Variants in AKAP6 observed in about 807,000 individuals in gnomAD.
AKAP6 encodes A-kinase anchor protein 6.
Under a neutral mutation model 188.5 loss-of-function variants are expected in AKAP6, and 58 were observed. The ratio of observed to expected loss-of-function variants is 0.31; its 90% confidence interval spans 0.25 to 0.38. AKAP6 has a LOEUF of 0.38. AKAP6 is among the 10% of genes least tolerant of loss of function. The probability of loss-of-function intolerance (pLI) is 1.00; values close to 1 mark genes in which losing one functional copy is unlikely to be tolerated. For synonymous variants in AKAP6, 989 were observed against 998.6 expected (o/e 0.99, Z 0.18); for missense variants, 2,710 against 2,740.0 (o/e 0.99, Z 0.24).
intron 2 of AKAP6, among the ~76,000 whole-genome samples, chr14:32,477,605 A>G (rs61982983): frequency 0.26 from 39,012 of 152,116 alleles, 5,448 homozygotes; most frequent in Middle Eastern, 0.3. Flanking sequence ...TAGTGCTGCA[A>G]TTTCAAGACG....
chr14:32,765,896 C>T (rs2032703730), intron 11 of AKAP6, among the ~76,000 whole-genome samples: 1 of 152,026 alleles, frequency 6.6e-6, no homozygotes, highest in Admixed American at 6.6e-5. Flanking sequence ...TATTTCTGGC[C>T]TTACCAAGAG....
chr14:32,755,361 T>G (rs138541048), intron 11 of AKAP6, among the ~76,000 whole-genome samples: 2 of 152,082 alleles, frequency 1.3e-5, no homozygotes, highest in African/African-American at 4.8e-5. Flanking sequence ...ATTTTTATTG[T>G]TTCTTTTTGT....
At chr14:32,377,659 C>T (rs1317236843) in intron 1 of AKAP6, among the ~76,000 whole-genome samples, 1 of 152,162 alleles carries the variant, frequency 6.6e-6, no homozygotes, top group Non-Finnish European at 1.5e-5. Flanking sequence ...TCAGCCACAC[C>T]TGTGTTCAAG....
Position 32,482,988 on chromosome 14 carries a change from T to C in AKAP6, c.324+49171T>C, listed in dbSNP as rs1347217919. ...GTGTGTGTGTCTGTGTGTGTGTGTG[T>C]GTATATATATATATATATATATATG... On this transcript the variant is annotated intron_variant, in intron 2 of 13. Coordinates refer to ENST00000280979, the MANE Select transcript of AKAP6 (RefSeq NM_004274.5). Among the ~76,000 whole-genome samples, 13 of 105,654 alleles carry C rather than the reference T, an allele frequency of 1.2e-4. No homozygotes were observed. The East Asian group carries it at 4.3e-3, about 35-fold the overall frequency. 69.3% of individuals were successfully genotyped at this position (105,654 alleles called of 152,430 possible).
intron 1 of AKAP6, among the ~76,000 whole-genome samples, chr14:32,423,122 G>A (rs1419365604): frequency 6.6e-6 from 1 of 152,106 alleles, no homozygotes; most frequent in Non-Finnish European, 1.5e-5. Flanking sequence ...TGTGTATTCA[G>A]TTGGCCATCT....
chr14:32,829,125 G>A (rs574446080), intron 13 of AKAP6, among the ~76,000 whole-genome samples: 1 of 152,288 alleles, frequency 6.6e-6, no homozygotes, highest in South Asian at 2.1e-4. Flanking sequence ...CCTCACATTT[G>A]ACCAGTTGCT....
At chr14:32,518,974 C>T (rs1248243803) in intron 2 of AKAP6, among the ~76,000 whole-genome samples, 3 of 152,148 alleles carry the variant, frequency 2.0e-5, no homozygotes, top group Admixed American at 6.5e-5. Context: ...AAAGGGAAGC[C>T]CATCAGACTA....
chr14:32,479,736 A>G (rs1029830795), intron 2 of AKAP6, among the ~76,000 whole-genome samples: 1 of 152,114 alleles, frequency 6.6e-6, no homozygotes, highest in Admixed American at 6.6e-5. Flanking sequence ...TGGAGCCCTT[A>G]TAAGGCCTGA....
chr14:32,368,394 A>G (rs1887902015), intron 1 of AKAP6, among the ~76,000 whole-genome samples: 1 of 152,210 alleles, frequency 6.6e-6, no homozygotes, highest in Non-Finnish European at 1.5e-5. Context: ...AGACTACCAG[A>G]GTGAGAGACC....
intron 5 of AKAP6, among the ~76,000 whole-genome samples, chr14:32,595,509 G>A (rs1308214423): frequency 6.7e-6 from 1 of 149,990 alleles, no homozygotes; most frequent in Non-Finnish European, 1.5e-5. Flanking sequence ...CATCTTGTTT[G>A]TATTTTATTT....
intron 9 of AKAP6, among the ~76,000 whole-genome samples, chr14:32,725,739 A>T (rs1227885618): frequency 6.6e-6 from 1 of 152,220 alleles, no homozygotes; most frequent in African/African-American, 2.4e-5. Flanking sequence ...GTCTACCAGA[A>T]TCTGAAAAAA....
chr14:32,420,553 G>T (rs1242419112), intron 1 of AKAP6, among the ~76,000 whole-genome samples: 1 of 152,114 alleles, frequency 6.6e-6, no homozygotes, highest in Non-Finnish European at 1.5e-5. Flanking sequence ...TTTCTCTCTG[G>T]AATTTATAAT....
intron 7 of AKAP6, among the ~76,000 whole-genome samples, chr14:32,654,707 G>T (rs1888379978): frequency 6.6e-6 from 1 of 151,754 alleles, no homozygotes; most frequent in African/African-American, 2.4e-5. Flanking sequence ...AAATTAGCTG[G>T]GCATGGTGGC....
rs1179464671 is a variant in AKAP6, at chr14:32,822,169, CTGTT to C, written c.4359_4362del (p.Cys1453TrpfsTer29). ...ACAGTATTACCAAACATACCCCTGACTGTTTGGGAGAAGAATTACAAGGAAAACA... is the reference window on the plus strand; with the variant it reads ...ACAGTATTACCAAACATACCCCTGACTGGGAGAAGAATTACAAGGAAAACA... On this transcript the variant is annotated frameshift_variant, in exon 13 of 14. Transcript: ENST00000280979. LOFTEE classifies it high-confidence loss of function. The C allele has an allele frequency of 3.7e-6, 6 of 1,613,700 alleles. No homozygotes were observed. The highest frequency in any genetic ancestry group is 4.2e-6 in the Non-Finnish European group (5 of 1,179,876).
intron 2 of AKAP6, among the ~76,000 whole-genome samples, chr14:32,493,210 G>C (rs1464273907): frequency 2.0e-5 from 3 of 151,854 alleles, no homozygotes; most frequent in Non-Finnish European, 4.4e-5. Context: ...TTGTTTGTTT[G>C]TTTGTTTGTT....
chr14:32,356,657 A>G (rs945933073), intron 1 of AKAP6, among the ~76,000 whole-genome samples: 4 of 152,036 alleles, frequency 2.6e-5, no homozygotes, highest in Admixed American at 2.6e-4. Flanking sequence ...AAAGCCCTCC[A>G]CAGGCAATGT....
intron 7 of AKAP6, among the ~76,000 whole-genome samples, chr14:32,608,328 CT>C (rs1289638932): frequency 6.6e-6 from 1 of 151,566 alleles, no homozygotes; most frequent in African/African-American, 2.4e-5. Context: ...GTGAAACCCC[CT>C]CTCTACTAAA....
At chr14:32,349,813 G>T (rs1330378414) in intron 1 of AKAP6, among the ~76,000 whole-genome samples, 1 of 152,076 alleles carries the variant, frequency 6.6e-6, no homozygotes, top group South Asian at 2.1e-4. Flanking sequence ...AATACTAGGG[G>T]CAGGGAAACA....
At chr14:32,391,017 A>G (rs985943468) in intron 1 of AKAP6, among the ~76,000 whole-genome samples, 7 of 152,114 alleles carry the variant, frequency 4.6e-5, no homozygotes, top group African/African-American at 1.7e-4. Context: ...TATCTTATTT[A>G]GGTACCAGTG....
Sources: allele counts gnomAD v4.1 joint callset (sites outside exome capture counted in the v4.1 genomes callset), GRCh38; gene constraint gnomAD v4.1.1; transcripts MANE v1.5; gene names NCBI Gene and HGNC (gene_info 2026-07-23, HGNC 2026-07-21).